ERBB4: variants seen among roughly 807,000 people sequenced by gnomAD.
The protein encoded by ERBB4 is receptor tyrosine-protein kinase erbB-4.
Under a neutral mutation model 158.0 loss-of-function variants are expected in ERBB4, and 42 were observed. The observed-to-expected ratio is 0.27, with a 90% CI of 0.21 to 0.34. The LOEUF (loss-of-function observed/expected upper bound fraction) is 0.34. Ranked by LOEUF, ERBB4 falls within the 10% of genes least tolerant of loss-of-function variation. The pLI is 1.00. For synonymous variants in ERBB4, 583 were observed against 558.7 expected (o/e 1.04, Z -0.61); for missense variants, 1,333 against 1,624.1 (o/e 0.82, Z 3.08).
intron 1 of ERBB4, among the ~76,000 whole-genome samples, chr2:212,499,491 T>C (rs1690763696): frequency 6.6e-6 from 1 of 152,114 alleles, no homozygotes; most frequent in Admixed American, 6.6e-5. Flanking sequence ...CCTATTTAAA[T>C]AATTATTTAG....
chr2:211,866,237 C>T (rs907560230), intron 3 of ERBB4, among the ~76,000 whole-genome samples: 6 of 152,230 alleles, frequency 3.9e-5, no homozygotes, highest in South Asian at 4.1e-4. Flanking sequence ...GGCAACAGAG[C>T]GAGGCTCCAT....
At chr2:212,413,334 T>G (rs1452346099) in intron 1 of ERBB4, among the ~76,000 whole-genome samples, 1 of 151,426 alleles carries the variant, frequency 6.6e-6, no homozygotes, top group East Asian at 1.9e-4. Context: ...GTCCTTGTAC[T>G]TCTACTCTCT....
At chr2:212,518,438 G>C (rs115755396) in intron 1 of ERBB4, among the ~76,000 whole-genome samples, 3,159 of 152,038 alleles carry the variant, frequency 0.021, 113 homozygotes, top group African/African-American at 0.072. Context: ...AACCTTGGGA[G>C]ATAACTGAAC....
At chr2:211,711,061 A>G (rs543751853) in intron 9 of ERBB4, among the ~76,000 whole-genome samples, 1 of 152,174 alleles carries the variant, frequency 6.6e-6, no homozygotes, top group East Asian at 1.9e-4. Context: ...GACAGATACA[A>G]CAATTATGGG....
At chr2:212,244,357 T>C (rs1459909404) in intron 1 of ERBB4, among the ~76,000 whole-genome samples, 1 of 152,064 alleles carries the variant, frequency 6.6e-6, no homozygotes. Flanking sequence ...TGACACAAAA[T>C]GAAATTCACG....
At chr2:212,342,772 T>C (rs979032901) in intron 1 of ERBB4, among the ~76,000 whole-genome samples, 2 of 152,206 alleles carry the variant, frequency 1.3e-5, no homozygotes, top group African/African-American at 4.8e-5. Context: ...AAATCATGAA[T>C]CAACTATATT....
intron 4 of ERBB4, among the ~76,000 whole-genome samples, chr2:211,768,257 T>G (rs538954142): frequency 6.6e-6 from 1 of 152,342 alleles, no homozygotes; most frequent in East Asian, 1.9e-4. Flanking sequence ...CCTGTGGCTC[T>G]GCAGGGTACA....
chr2:211,954,453 A>C, intron 2 of ERBB4, among the ~76,000 whole-genome samples: 1 of 151,798 alleles, frequency 6.6e-6, no homozygotes, highest in Non-Finnish European at 1.5e-5. Context: ...TTCTGTAATC[A>C]GTCAAAAAGA....
intron 1 of ERBB4, among the ~76,000 whole-genome samples, chr2:212,131,354 A>G (rs2080102265): frequency 6.6e-6 from 1 of 152,194 alleles, no homozygotes. Context: ...ACCCTTTGGC[A>G]TCTCATTAAA....
intron 19 of ERBB4, among the ~76,000 whole-genome samples, chr2:211,584,817 T>C (rs2068214412): frequency 6.6e-6 from 1 of 151,888 alleles, no homozygotes; most frequent in South Asian, 2.1e-4. Flanking sequence ...ATACAAAATA[T>C]ATACCATGAA....
intron 1 of ERBB4, among the ~76,000 whole-genome samples, chr2:212,286,066 G>A (rs563086366): frequency 3.3e-5 from 5 of 152,186 alleles, no homozygotes; most frequent in Admixed American, 6.5e-5. Flanking sequence ...TGAGTTACAC[G>A]TTGGCTCCCT....
intron 3 of ERBB4, among the ~76,000 whole-genome samples, chr2:211,926,405 T>C (rs1356866672): frequency 6.6e-6 from 1 of 152,188 alleles, no homozygotes; most frequent in Non-Finnish European, 1.5e-5. Context: ...ACTTCCATTC[T>C]ACTTGCCCTA....
At chr2:211,944,416 T>A (rs1005823926) in intron 3 of ERBB4, among the ~76,000 whole-genome samples, 1 of 151,630 alleles carries the variant, frequency 6.6e-6, no homozygotes, top group Non-Finnish European at 1.5e-5. Flanking sequence ...ACAAAGTTGA[T>A]GTTTGGCAAA....
Position 212,081,587 on chromosome 2 carries a change from C to T in ERBB4, c.234+43165G>A, listed in dbSNP as rs576037251. On this transcript the variant is annotated intron_variant, in intron 2 of 27. Coordinates refer to ENST00000342788, the MANE Select transcript of ERBB4 (RefSeq NM_005235.3). ...CTTTTCCTGTGCTTGAGTCTAAATA[C>T]ATTTACTGATTAAAAAGATGCAAGT... Among the ~76,000 whole-genome samples the T allele has an allele frequency of 2.0e-5, 3 of 152,196 alleles. No homozygotes were observed. In the South Asian group the frequency reaches 6.2e-4, roughly 32 times the overall value.
intron 20 of ERBB4, among the ~76,000 whole-genome samples, chr2:211,487,096 A>G (rs985150243): frequency 1.3e-5 from 2 of 150,210 alleles, no homozygotes; most frequent in African/African-American, 2.4e-5. Flanking sequence ...TGCTGCACCC[A>G]TTAACTCGTC....
chr2:212,207,936 A>T (rs542897825), intron 1 of ERBB4, among the ~76,000 whole-genome samples: 2 of 135,040 alleles, frequency 1.5e-5, no homozygotes, highest in East Asian at 1.9e-4. Context: ...TTTGTATTAA[A>T]TTCAATAATT....
intron 2 of ERBB4, among the ~76,000 whole-genome samples, chr2:212,096,350 G>T (rs1054855192): frequency 6.6e-6 from 1 of 152,028 alleles, no homozygotes; most frequent in Non-Finnish European, 1.5e-5. Context: ...AAAAAAAATA[G>T]AAAATAAAGG....
chr2:212,366,108 G>A (rs991055737), intron 1 of ERBB4, among the ~76,000 whole-genome samples: 7 of 151,926 alleles, frequency 4.6e-5, no homozygotes, highest in East Asian at 1.9e-4. Context: ...GCTAGCCTCC[G>A]AAAAAATATA....
intron 20 of ERBB4, among the ~76,000 whole-genome samples, chr2:211,521,310 T>C (rs2066179555): frequency 6.6e-6 from 1 of 152,096 alleles, no homozygotes. Flanking sequence ...GTTATGAAGA[T>C]CATTTTAGTG....
Sources: allele counts gnomAD v4.1 joint callset (sites outside exome capture counted in the v4.1 genomes callset), GRCh38; gene constraint gnomAD v4.1.1; transcripts MANE v1.5; gene names NCBI Gene and HGNC (gene_info 2026-07-23, HGNC 2026-07-21).